The following B3GALT1 variants were observed in gnomAD, a reference collection of about 807,000 sequenced individuals.
The protein encoded by B3GALT1 is beta-1,3-galactosyltransferase 1.
Under a neutral mutation model 23.2 loss-of-function variants are expected in B3GALT1, and 10 were observed. The observed-to-expected ratio is 0.43, with a 90% CI of 0.27 to 0.73. The LOEUF is 0.73. Among genes scored for constraint, B3GALT1 ranks in the 30% least tolerant of loss-of-function variants. The pLI is 0.21. For synonymous variants in B3GALT1, 156 were observed against 141.5 expected, an observed-to-expected ratio of 1.10 and a Z score of -0.73; for missense variants, 299 against 405.4, an observed-to-expected ratio of 0.74 and a Z score of 2.25.
intron 3 of B3GALT1, among the ~76,000 whole-genome samples, chr2:167,691,289 C>A (rs1051262371): frequency 3.9e-5 from 6 of 152,056 alleles, no homozygotes; most frequent in Admixed American, 6.6e-5. Flanking sequence ...CTTCAAATGG[C>A]CCATTTAGTC....
At chr2:167,550,257 A>G (rs1683722386) in intron 2 of B3GALT1, among the ~76,000 whole-genome samples, 1 of 152,224 alleles carries the variant, frequency 6.6e-6, no homozygotes. Context: ...AATTAAGTAC[A>G]CTTATTATCC....
At chr2:167,834,451 T>C (rs961584569) in intron 4 of B3GALT1, among the ~76,000 whole-genome samples, 17 of 152,234 alleles carry the variant, frequency 1.1e-4, no homozygotes, top group East Asian at 5.8e-4. Context: ...TTGAAAGCCA[T>C]TGTGGTCTCT....
chr2:167,434,270 GAATA>G (rs543847106), intron 1 of B3GALT1, among the ~76,000 whole-genome samples: 133 of 152,154 alleles, frequency 8.7e-4, no homozygotes, highest in African/African-American at 3.1e-3. Context: ...TTGTAGAAAA[GAATA>G]AATAACTAGC....
chr2:167,642,427 T>G (rs566728514), intron 2 of B3GALT1, among the ~76,000 whole-genome samples: 1 of 152,310 alleles, frequency 6.6e-6, no homozygotes, highest in Non-Finnish European at 1.5e-5. Context: ...TGAAATAATT[T>G]TATTTTCTGA....
rs60719828 is a variant in B3GALT1 at position 167,411,378 on chromosome 2, C to CAA, written c.-510-78779_-510-78778dup. On this transcript the variant is annotated intron_variant, in intron 1 of 4. Transcript: ENST00000392690. ...AACAACTCAATAGCAAACAAAAAAC[C>CAA]AAAAAAAAAAAAAAAAAAAAACCAC... 3.8e-3 allele frequency among the ~76,000 whole-genome samples: 523 copies of CAA among 136,418 alleles called. 1 individual carries two copies. Among genetic ancestry groups the CAA allele is most frequent in the African/African-American group, 0.014 (491 of 36,188 alleles). The allele number at this position is 136,418 out of a possible 152,430, so 89.5% of individuals were successfully genotyped here.
chr2:167,540,033 T>C (rs540494389), intron 2 of B3GALT1, among the ~76,000 whole-genome samples: 9 of 152,272 alleles, frequency 5.9e-5, no homozygotes, highest in Admixed American at 3.3e-4. Flanking sequence ...TGAATCAATT[T>C]AAAGTAATTA....
At chr2:167,588,818 T>TTTCC (rs146662566) in intron 2 of B3GALT1, among the ~76,000 whole-genome samples, 1,697 of 146,350 alleles carry the variant, frequency 0.012, 37 homozygotes, top group African/African-American at 0.035. Context: ...AACCATTCTT[T>TTTCC]TTCCTTCCTT....
chr2:167,376,266 T>C (rs1697761185), intron 1 of B3GALT1, among the ~76,000 whole-genome samples: 1 of 152,194 alleles, frequency 6.6e-6, no homozygotes, highest in African/African-American at 2.4e-5. Context: ...GTTGAGGATC[T>C]TGTGGCTATG....
chr2:167,633,251 T>G (rs1486628395), intron 2 of B3GALT1, among the ~76,000 whole-genome samples: 1 of 151,782 alleles, frequency 6.6e-6, no homozygotes, highest in Admixed American at 6.6e-5. Flanking sequence ...TCACTGAGGT[T>G]GAAATGAAGG....
At chr2:167,531,230 C>T (rs992842571) in intron 2 of B3GALT1, among the ~76,000 whole-genome samples, 20 of 152,072 alleles carry the variant, frequency 1.3e-4, no homozygotes, top group African/African-American at 4.8e-4. Context: ...AATAGCTCTT[C>T]TGTTTGTCTG....
chr2:167,428,544 G>A (rs1007428278), intron 1 of B3GALT1, among the ~76,000 whole-genome samples: 3 of 152,104 alleles, frequency 2.0e-5, no homozygotes, highest in African/African-American at 7.2e-5. Context: ...CAGGCATGGT[G>A]GTAAGCACTT....
chr2:167,469,320 T>G (rs1559106879), intron 1 of B3GALT1, among the ~76,000 whole-genome samples: 1 of 152,210 alleles, frequency 6.6e-6, no homozygotes, highest in Admixed American at 6.5e-5. Flanking sequence ...CATTATCTGC[T>G]TTATGGGATT....
At chr2:167,414,387 T>A (rs1316322897) in intron 1 of B3GALT1, among the ~76,000 whole-genome samples, 1 of 152,174 alleles carries the variant, frequency 6.6e-6, no homozygotes, top group African/African-American at 2.4e-5. Flanking sequence ...GGTAATTAGT[T>A]CTAATTTATA....
At chr2:167,805,431 T>G (rs917875956) in intron 3 of B3GALT1, among the ~76,000 whole-genome samples, 16 of 152,310 alleles carry the variant, frequency 1.1e-4, no homozygotes, top group East Asian at 7.7e-4. Flanking sequence ...GTATTGCCTA[T>G]GTTTTCTTGT....
chr2:167,821,569 G>GAATT (rs1689107683), intron 4 of B3GALT1, among the ~76,000 whole-genome samples: 3 of 151,860 alleles, frequency 2.0e-5, no homozygotes, highest in Non-Finnish European at 4.4e-5. Flanking sequence ...CAAGTAGCTG[G>GAATT]AATTACAGGC....
At chr2:167,825,463 CGTGT>C (rs771779416) in intron 4 of B3GALT1, among the ~76,000 whole-genome samples, 12 of 132,296 alleles carry the variant, frequency 9.1e-5, no homozygotes, top group African/African-American at 3.9e-4. Flanking sequence ...TGTGCGTGCA[CGTGT>C]GTGTGTGTGT....
chr2:167,452,286 A>G (rs906951692), intron 1 of B3GALT1, among the ~76,000 whole-genome samples: 10 of 152,060 alleles, frequency 6.6e-5, no homozygotes, highest in African/African-American at 2.4e-4. Flanking sequence ...GTCTTTTCCC[A>G]GTTCCTCTGG....
At chr2:167,685,539 G>A (rs1206913441) in intron 3 of B3GALT1, among the ~76,000 whole-genome samples, 1 of 152,124 alleles carries the variant, frequency 6.6e-6, no homozygotes, top group Non-Finnish European at 1.5e-5. Flanking sequence ...CTGAATCTGA[G>A]GAAGAGAATC....
chr2:167,606,638 T>C (rs972814050), intron 2 of B3GALT1, among the ~76,000 whole-genome samples: 6 of 67,474 alleles, frequency 8.9e-5, no homozygotes, highest in Non-Finnish European at 1.1e-4. Flanking sequence ...GTTTGACGTT[T>C]TGAAACTCAT....
Sources: allele counts gnomAD v4.1 joint callset (sites outside exome capture counted in the v4.1 genomes callset), GRCh38; gene constraint gnomAD v4.1.1; transcripts MANE v1.5; gene names NCBI Gene and HGNC (gene_info 2026-07-23, HGNC 2026-07-21).